ZFHX3: variants seen among roughly 807,000 people sequenced by gnomAD.
ZFHX3 encodes zinc finger homeobox 3.
In ZFHX3, 42 loss-of-function variants were observed where a neutral mutation model predicts 279.1. That is an observed-to-expected ratio of 0.15 (90% CI 0.12 to 0.19). The LOEUF (loss-of-function observed/expected upper bound fraction) is 0.19. ZFHX3 is among the 10% of genes least tolerant of loss of function. ZFHX3 has a pLI of 1.00. For missense variants in ZFHX3, 4,981 were observed against 4,754.0 expected, an observed-to-expected ratio of 1.05 and a Z score of -1.40; for synonymous variants, 2,293 against 1,957.8, an observed-to-expected ratio of 1.17 and a Z score of -4.52.
chr16:73,845,735 T>C (rs533761837), intron 1 of ZFHX3, among the ~76,000 whole-genome samples: 60 of 152,294 alleles, frequency 3.9e-4, no homozygotes, highest in Non-Finnish European at 6.9e-4. Context: ...CTCAAAATAG[T>C]GTCTTTTCTC....
intron 3 of ZFHX3, among the ~76,000 whole-genome samples, chr16:72,936,817 C>T (rs950209360): frequency 6.6e-6 from 1 of 152,052 alleles, no homozygotes; most frequent in African/African-American, 2.4e-5. Context: ...CCTGATTTTC[C>T]TCTTCGTAAA....
At chr16:73,578,392 A>AC (rs1207058403) in intron 2 of ZFHX3, among the ~76,000 whole-genome samples, 5 of 152,006 alleles carry the variant, frequency 3.3e-5, no homozygotes, top group Non-Finnish European at 7.4e-5. Context: ...TGAAAAAAAA[A>AC]AAAACAAAGG....
At chr16:73,108,821 A>G (rs1481140822) in intron 7 of ZFHX3, among the ~76,000 whole-genome samples, 1 of 152,242 alleles carries the variant, frequency 6.6e-6, no homozygotes, top group East Asian at 1.9e-4. Flanking sequence ...GAAAACAATA[A>G]TAAACACTCC....
chr16:72,862,089 T>C (rs189994569), intron 4 of ZFHX3, among the ~76,000 whole-genome samples: 2 of 152,312 alleles, frequency 1.3e-5, no homozygotes, highest in East Asian at 3.9e-4. Flanking sequence ...GACCATATGC[T>C]CTGTGGGGAG....
At chr16:73,681,540 G>A (rs906946619) in intron 1 of ZFHX3, among the ~76,000 whole-genome samples, 2 of 152,198 alleles carry the variant, frequency 1.3e-5, no homozygotes, top group African/African-American at 4.8e-5. Context: ...TGAGTCTAGA[G>A]CACGTTGAGG....
At chr16:72,963,733 T>G (rs1028924029) in intron 1 of ZFHX3, among the ~76,000 whole-genome samples, 1 of 152,226 alleles carries the variant, frequency 6.6e-6, no homozygotes, top group African/African-American at 2.4e-5. Flanking sequence ...TTTTATCCTG[T>G]TCCCTTGAGG....
intron 3 of ZFHX3, among the ~76,000 whole-genome samples, chr16:72,900,416 C>T (rs2039006911): frequency 6.6e-6 from 1 of 152,228 alleles, no homozygotes; most frequent in Non-Finnish European, 1.5e-5. Context: ...GCTACTTCAT[C>T]TATAACCTGG....
At chr16:73,803,731 T>C (rs963880604) in intron 1 of ZFHX3, among the ~76,000 whole-genome samples, 5 of 152,272 alleles carry the variant, frequency 3.3e-5, no homozygotes, top group Admixed American at 6.5e-5. Context: ...ATGTTCTTTA[T>C]ACGTTAGTAA....
At chr16:73,665,174 G>A (rs995869447) in intron 2 of ZFHX3, among the ~76,000 whole-genome samples, 1 of 151,352 alleles carries the variant, frequency 6.6e-6, no homozygotes, top group African/African-American at 2.4e-5. Flanking sequence ...AGGTGCTTGG[G>A]GACCATTGAA....
At chr16:73,561,258 G>A (rs188699854) in intron 2 of ZFHX3, among the ~76,000 whole-genome samples, 1 of 152,254 alleles carries the variant, frequency 6.6e-6, no homozygotes, top group East Asian at 1.9e-4. Flanking sequence ...AACGTTTTAA[G>A]TTTCCATCCG....
At chr16:73,129,769 C>G (rs1342526688) in intron 7 of ZFHX3, among the ~76,000 whole-genome samples, 2 of 151,926 alleles carry the variant, frequency 1.3e-5, no homozygotes, top group East Asian at 1.9e-4. Context: ...TGTGCTCATG[C>G]TCCTTTCAAC....
At chr16:73,370,928 G>A (rs1339395705) in intron 3 of ZFHX3, among the ~76,000 whole-genome samples, 2 of 152,186 alleles carry the variant, frequency 1.3e-5, no homozygotes, top group African/African-American at 4.8e-5. Flanking sequence ...TGACAACCAA[G>A]AGGTGCAAGA....
intron 5 of ZFHX3, among the ~76,000 whole-genome samples, chr16:73,167,600 C>A (rs560188622): frequency 6.6e-6 from 1 of 152,096 alleles, no homozygotes; most frequent in South Asian, 2.1e-4. Flanking sequence ...TTTCTTGAAA[C>A]TGAGAACGTT....
At chr16:73,623,300 C>T (rs944449676) in intron 2 of ZFHX3, among the ~76,000 whole-genome samples, 7 of 152,060 alleles carry the variant, frequency 4.6e-5, no homozygotes, top group Admixed American at 6.5e-5. Flanking sequence ...CCTCCCAAAG[C>T]ACTGGGATTA....
At chr16:73,730,372 A>AAG (rs1555535604) in intron 1 of ZFHX3, among the ~76,000 whole-genome samples, 21 of 114,580 alleles carry the variant, frequency 1.8e-4, no homozygotes, top group Admixed American at 7.2e-4. Flanking sequence ...AAAAAAAAAA[A>AAG]AAAGAAAAAG....
intron 1 of ZFHX3, among the ~76,000 whole-genome samples, chr16:72,968,522 G>A (rs8052683): frequency 0.26 from 38,023 of 148,976 alleles, 5,229 homozygotes; most frequent in Middle Eastern, 0.32. Flanking sequence ...GTGCAGTGGC[G>A]CAGTCTCAGC....
chr16:73,007,244 A>C (rs564895832), intron 1 of ZFHX3, among the ~76,000 whole-genome samples: 63 of 152,302 alleles, frequency 4.1e-4, no homozygotes, highest in Admixed American at 1.2e-3. Flanking sequence ...GTCGGAACTC[A>C]ATCTTCAGCT....
intron 2 of ZFHX3, among the ~76,000 whole-genome samples, chr16:73,507,082 G>A (rs538629042): frequency 1.5e-4 from 23 of 152,276 alleles, no homozygotes; most frequent in Middle Eastern, 3.4e-3. Flanking sequence ...CTCTTGGGAC[G>A]TATTCAATAC....
chr16:73,263,198 T>TC, intron 4 of ZFHX3, among the ~76,000 whole-genome samples: 1 of 152,222 alleles, frequency 6.6e-6, no homozygotes, highest in Non-Finnish European at 1.5e-5. Context: ...AAGTCCTTTT[T>TC]TTTTTTTTTA....
Sources: allele counts gnomAD v4.1 joint callset (sites outside exome capture counted in the v4.1 genomes callset), GRCh38; gene constraint gnomAD v4.1.1; transcripts MANE v1.5; gene names NCBI Gene and HGNC (gene_info 2026-07-23, HGNC 2026-07-21).